NIN: variants seen among roughly 807,000 people sequenced by gnomAD.
NIN encodes ninein.
In NIN, 137 loss-of-function variants were observed where a neutral mutation model predicts 257.6. The ratio of observed to expected loss-of-function variants is 0.53; its 90% confidence interval spans 0.46 to 0.61. The LOEUF (loss-of-function observed/expected upper bound fraction) is 0.61. NIN is among the 20% of genes least tolerant of loss of function. The pLI, the probability that NIN is intolerant of heterozygous loss-of-function variation, is 0.00. For synonymous variants in NIN, 918 were observed against 919.8 expected, an observed-to-expected ratio of 1.00 and a Z score of 0.04; for missense variants, 2,439 against 2,501.2, an observed-to-expected ratio of 0.98 and a Z score of 0.53.
chr14:50,731,521 T>C (rs1595706467), intron 28 of NIN, among the ~76,000 whole-genome samples: 1 of 90,032 alleles, frequency 1.1e-5, no homozygotes, highest in Non-Finnish European at 2.0e-5. Flanking sequence ...ACAGTGAGAC[T>C]CCATCTCAAA....
intron 24 of NIN, among the ~76,000 whole-genome samples, chr14:50,743,119 C>A (rs992575812): frequency 6.6e-6 from 1 of 151,348 alleles, no homozygotes; most frequent in African/African-American, 2.4e-5. Context: ...GCACCTGCCA[C>A]GACACCAGGC....
At chr14:50,743,991 G>T (rs2041415444) in intron 23 of NIN, among the ~76,000 whole-genome samples, 1 of 152,198 alleles carries the variant, frequency 6.6e-6, no homozygotes, top group Non-Finnish European at 1.5e-5. Flanking sequence ...GCGGTATAAA[G>T]TAGCACTGTG....
At chr14:50,821,264 C>G (rs1280841382) in intron 3 of NIN, among the ~76,000 whole-genome samples, 1 of 152,244 alleles carries the variant, frequency 6.6e-6, no homozygotes, top group African/African-American at 2.4e-5. Flanking sequence ...TCTCTCACTT[C>G]TTACTCACAT....
chr14:50,792,185 C>A (rs2043625763), intron 5 of NIN: 1 of 152,566 alleles, frequency 6.6e-6, no homozygotes, highest in African/African-American at 2.4e-5. Flanking sequence ...AGAACCATGG[C>A]AACTGCTGGG....
At chr14:50,801,538 T>G (rs1209006435) in intron 4 of NIN, among the ~76,000 whole-genome samples, 3 of 152,132 alleles carry the variant, frequency 2.0e-5, no homozygotes, top group Non-Finnish European at 4.4e-5. Flanking sequence ...GTGTGTAATA[T>G]CTCCTAAAAT....
chr14:50,731,557 C>T (rs936751902), intron 28 of NIN, among the ~76,000 whole-genome samples: 4 of 149,254 alleles, frequency 2.7e-5, no homozygotes, highest in Admixed American at 6.7e-5. Flanking sequence ...AAAATTAGGT[C>T]GCGTATGGTG....
At position 50,767,605 on chromosome 14, in the gene NIN, C is replaced by A. The variant is rs544402705; in HGVS notation, c.1435-715G>T. On this transcript the variant is annotated intron_variant, in intron 12 of 30. Coordinates refer to ENST00000530997, the MANE Select transcript of NIN (RefSeq NM_020921.4). ...GGCCAAGGTGGGCGGATCATGAGGT[C>A]AGGAGATCGAGACCATCCTGGCGAA... 9.9e-3 allele frequency among the ~76,000 whole-genome samples: 1,511 copies of A among 152,144 alleles called. 25 individuals are homozygous for A. Among genetic ancestry groups the A allele is most frequent in the African/African-American group, 0.035 (1,451 of 41,472 alleles).
Position 50,795,518 on chromosome 14 carries a change from C to T in NIN, c.266-2637G>A, listed in dbSNP as rs368925322. Among the ~76,000 whole-genome samples the T allele has an allele frequency of 6.6e-5, 10 of 152,282 alleles. No homozygotes were observed. In the East Asian group the frequency reaches 1.7e-3, roughly 26 times the overall value. On this transcript the variant is annotated intron_variant, in intron 4 of 30. Coordinates refer to ENST00000530997, the MANE Select transcript of NIN (RefSeq NM_020921.4). ...CATGGGGATTATAAGACACTCTTAC[C>T]CACTCAAGTTAAAGAATGCCTTGAC...
Position 50,759,725 on chromosome 14 carries a change from G to A in NIN, c.2399+132C>T, listed in dbSNP as rs528313997. ...AGCCAGGTCTCGATCTCCTGACCTC[G>A]TGATCCGCCCACCTCGGCCTCCCAG... On this transcript the variant is annotated intron_variant, in intron 17 of 30. Coordinates refer to ENST00000530997, the MANE Select transcript of NIN (RefSeq NM_020921.4). 30 of 904,622 alleles carry A rather than the reference G, an allele frequency of 3.3e-5. No homozygotes were observed. The East Asian group carries it at 7.2e-4, about 22-fold the overall frequency. The allele number at this position is 904,622 out of a possible 1,614,324, so 56.0% of individuals were successfully genotyped here.
At position 50,720,696 on chromosome 14, in the gene NIN, C is replaced by T. The variant is rs1034408097; in HGVS notation, c.*2767G>A. ...AAAACACTGTGGTTCTACTTCTCCCCTTCTACTCTCCCTTCACAAATCTAA... is the reference window on the plus strand; with the variant it reads ...AAAACACTGTGGTTCTACTTCTCCCTTTCTACTCTCCCTTCACAAATCTAA... On this transcript the variant is annotated 3_prime_UTR_variant, in exon 31 of 31. Transcript: ENST00000530997. 2 of 207,042 alleles carry T rather than the reference C, an allele frequency of 9.7e-6. No individual in the cohort carries two copies. Among genetic ancestry groups the T allele is most frequent in the African/African-American group, 2.3e-5 (1 of 43,942 alleles). 12.8% of individuals were successfully genotyped at this position (207,042 alleles called of 1,614,324 possible).
rs2040242474 is a variant in NIN at position 50,720,066 on chromosome 14, A to C, written c.*3397T>G. ...ATTGCCCAAAAAAGCTGAGAAGCAA[A>C]AAGCTAACTTTGATTTGTTAAACAG... On this transcript the variant is annotated 3_prime_UTR_variant, in exon 31 of 31. Transcript: ENST00000530997. 4.5e-6 allele frequency: 1 copy of C among 220,064 alleles called. No individual in the cohort carries two copies. The highest frequency in any genetic ancestry group is 2.2e-5 in the African/African-American group (1 of 44,656). 13.6% of individuals were successfully genotyped at this position (220,064 alleles called of 1,614,324 possible). A position where few individuals can be genotyped will look rare whatever the true frequency, so the allele number is the denominator to read the frequency against.
chr14:50,730,262 C>A (rs1595702124), intron 28 of NIN, among the ~76,000 whole-genome samples: 1 of 152,068 alleles, frequency 6.6e-6, no homozygotes, highest in East Asian at 1.9e-4. Flanking sequence ...TTAAACAGCA[C>A]AAGACAGACA....
chr14:50,818,825 A>C (rs2045058965), intron 3 of NIN, among the ~76,000 whole-genome samples: 1 of 152,106 alleles, frequency 6.6e-6, no homozygotes, highest in Non-Finnish European at 1.5e-5. Context: ...AAAATGACCT[A>C]TTGGTAAAAC....
intron 28 of NIN, among the ~76,000 whole-genome samples, chr14:50,734,123 A>G (rs970617317): frequency 1.4e-5 from 2 of 144,110 alleles, no homozygotes; most frequent in Admixed American, 1.4e-4. Flanking sequence ...GGAGTCCGGC[A>G]TTGTTGCCCA....
Position 50,766,914 on chromosome 14 carries a change from A to G in NIN, c.1435-24T>C, listed in dbSNP as rs746361644. ...TCCTGAACAAGTATGGGGAAATTAA[A>G]TGTGGTACAGATTAAGAAATTAGCA... is the stretch of plus-strand genomic sequence containing the variant. On this transcript the variant is annotated intron_variant, in intron 12 of 30. Coordinates refer to ENST00000530997, the MANE Select transcript of NIN (RefSeq NM_020921.4). The G allele has an allele frequency of 3.3e-6, 5 of 1,505,382 alleles. No homozygotes were observed. The South Asian group carries it at 5.6e-5, about 17-fold the overall frequency. 93.3% of individuals were successfully genotyped at this position (1,505,382 alleles called of 1,614,324 possible).
chr14:50,737,720 C>T lies in NIN; in HGVS notation c.5775+420G>A, dbSNP rs181107385. The stretch of plus-strand genomic sequence containing the variant: ...GAGTACACTGTGTGATCTTAGCTCA[C>T]TGCAACCTCCGCCTCCTGGGTTCCA... On this transcript the variant is annotated intron_variant, in intron 27 of 30. Transcript: ENST00000530997. 4.0e-5 allele frequency among the ~76,000 whole-genome samples: 6 copies of T among 150,052 alleles called. No homozygotes were observed. In the East Asian group the frequency reaches 1.2e-3, roughly 30 times the overall value.
chr14:50,782,466 A>G lies in NIN; in HGVS notation c.436-3662T>C, dbSNP rs74518504. Among the ~76,000 whole-genome samples, 433 of 152,334 alleles carry G rather than the reference A, an allele frequency of 2.8e-3. 2 individuals are homozygous for G. Among genetic ancestry groups the G allele is most frequent in the African/African-American group, 9.9e-3 (411 of 41,572 alleles). ...TTAAAAAACCATGTAGGAACGTGGA[A>G]AAACATCTTATGAAATGTTAAATGA... On this transcript the variant is annotated intron_variant, in intron 5 of 30. Coordinates refer to ENST00000530997, the MANE Select transcript of NIN (RefSeq NM_020921.4).
Position 50,754,863 on chromosome 14 carries a change from C to A in NIN, c.4543G>T (p.Glu1515Ter). The A allele has an allele frequency of 6.4e-7, 1 of 1,563,618 alleles. No homozygotes were observed. Among genetic ancestry groups the A allele is most frequent in the South Asian group, 1.2e-5 (1 of 83,268 alleles). ...TTTTCCTGTTGAAGCTTTTCAGATTCATATCTGAAGCACAGAGATTGAAAA... is the reference window on the plus strand; with the variant it reads ...TTTTCCTGTTGAAGCTTTTCAGATTAATATCTGAAGCACAGAGATTGAAAA... ...MQQKVELLRY[E>*]SEKLQQENSI... Residue 1515 changes from glutamate to a stop codon, truncating the protein, a stop_gained, in exon 19 of 31, where the codon GAA becomes TAA. Coordinates refer to ENST00000530997, the MANE Select transcript of NIN (RefSeq NM_020921.4). LOFTEE classifies it high-confidence loss of function.
At chr14:50,769,586 T>G (rs914885436) in intron 12 of NIN, among the ~76,000 whole-genome samples, 9 of 152,138 alleles carry the variant, frequency 5.9e-5, no homozygotes, top group Non-Finnish European at 1.5e-5. Flanking sequence ...CAACTTCCTC[T>G]GCCTCCCAGG....
Sources: gnomAD v4.1 joint callset for allele counts (sites outside exome capture counted in the v4.1 genomes callset) on GRCh38, gnomAD v4.1.1 for gene constraint, MANE v1.5 for transcripts, NCBI Gene and HGNC (gene_info 2026-07-23, HGNC 2026-07-21) for gene names.